The following ZNF248 variants were observed in gnomAD, a reference collection of about 807,000 sequenced individuals.
The protein encoded by ZNF248 is zinc finger protein 248.
ZNF248 carries 20 observed loss-of-function variants against 44.3 expected under a neutral mutation model. The observed-to-expected ratio is 0.45, with a 90% CI of 0.32 to 0.66. The LOEUF (loss-of-function observed/expected upper bound fraction) is 0.66, where lower values mean the gene tolerates loss of function less well. Among genes scored for constraint, ZNF248 ranks in the 30% least tolerant of loss-of-function variants. The pLI is 0.04. For missense variants in ZNF248, 654 were observed against 677.0 expected, an observed-to-expected ratio of 0.97 and a Z score of 0.38; for synonymous variants, 224 against 229.0, an observed-to-expected ratio of 0.98 and a Z score of 0.20.
At chr10:37,799,671 A>G (rs749436198) in intron 6 of ZNF248, among the ~76,000 whole-genome samples, 1 of 152,234 alleles carries the variant, frequency 6.6e-6, no homozygotes, top group Non-Finnish European at 1.5e-5. Flanking sequence ...AGGGTGAGAC[A>G]GGACAAGACG....
chr10:37,840,763 G>A (rs934836393), intron 3 of ZNF248, among the ~76,000 whole-genome samples: 3 of 152,064 alleles, frequency 2.0e-5, no homozygotes, highest in Non-Finnish European at 2.9e-5. Flanking sequence ...GCCTGGACAA[G>A]AGTGAGACTA....
At chr10:37,776,306 A>T (rs2046583917), downstream of ZNF248, 4 of 333,500 alleles carry the variant, frequency 1.2e-5, no homozygotes, top group Non-Finnish European at 2.2e-5. Context: ...CTTTTCTGAG[A>T]CGTGGTCCAA....
intron 6 of ZNF248, among the ~76,000 whole-genome samples, chr10:37,777,554 A>G (rs1381305128): frequency 6.8e-6 from 1 of 147,274 alleles, no homozygotes; most frequent in Non-Finnish European, 1.5e-5. Context: ...TTTTTTTTCA[A>G]TTAAAGTTTT....
chr10:37,812,927 C>A (rs987331048), intron 6 of ZNF248, among the ~76,000 whole-genome samples: 1 of 151,324 alleles, frequency 6.6e-6, no homozygotes, highest in African/African-American at 2.4e-5. Context: ...TAAATTCCTT[C>A]TGGAGAAAAC....
chr10:37,769,235 C>T, the ZNF248 span, among the ~76,000 whole-genome samples: 1 of 152,220 alleles, frequency 6.6e-6, no homozygotes, highest in Non-Finnish European at 1.5e-5. Flanking sequence ...CTATTCCAAT[C>T]AATAGAAAAA....
chr10:37,760,226 TTTTTG>T, the ZNF248 span, among the ~76,000 whole-genome samples: 2 of 151,974 alleles, frequency 1.3e-5, no homozygotes, highest in Non-Finnish European at 1.5e-5. Flanking sequence ...AATGCTGGGT[TTTTTG>T]TTTTGTTTTG....
At chr10:37,811,053 G>A (rs984494708) in intron 6 of ZNF248, among the ~76,000 whole-genome samples, 1 of 152,254 alleles carries the variant, frequency 6.6e-6, no homozygotes. Context: ...CATAAACACT[G>A]AATAACACTA....
downstream of ZNF248, among the ~76,000 whole-genome samples, chr10:37,827,279 C>G (rs1470067781): frequency 6.6e-6 from 1 of 152,138 alleles, no homozygotes; most frequent in Non-Finnish European, 1.5e-5. Context: ...TTTAGGGGAT[C>G]AGTAAAGGGA....
At chr10:37,819,417 C>T in intron 6 of ZNF248, 1 of 1,559,518 alleles carries the variant, frequency 6.4e-7, no homozygotes, top group East Asian at 2.2e-5. Flanking sequence ...TCCTTTTTCT[C>T]ATCTCTCCAG....
Position 37,807,360 on chromosome 10 carries a change from G to A in ZNF248, c.330+25665C>T, listed in dbSNP as rs367992208. Among the ~76,000 whole-genome samples the A allele has an allele frequency of 3.3e-5, 5 of 152,066 alleles. 1 individual carries two copies. In the East Asian group the frequency reaches 5.8e-4, roughly 18 times the overall value. On this transcript the variant is annotated intron_variant, in intron 6 of 6. Transcript: ENST00000615949. ...CAGGAGGAGTGAAAGCAAGGGGTGC[G>A]AGACCTCCAATGTTGTTCTTTATTA... is the stretch of plus-strand genomic sequence containing the variant.
At chr10:37,780,869 G>T (rs2047223251) in intron 6 of ZNF248, among the ~76,000 whole-genome samples, 1 of 152,174 alleles carries the variant, frequency 6.6e-6, no homozygotes, top group African/African-American at 2.4e-5. Context: ...TCCCGGAGTG[G>T]TGTATAGAGC....
the ZNF248 span, among the ~76,000 whole-genome samples, chr10:37,771,129 C>T: frequency 1.3e-5 from 2 of 152,142 alleles, no homozygotes; most frequent in Non-Finnish European, 2.9e-5. Context: ...ACAACAGGTG[C>T]TGGAGAAGAT....
chr10:37,772,509 G>C (rs147153657), downstream of ZNF248, among the ~76,000 whole-genome samples: 1 of 152,326 alleles, frequency 6.6e-6, no homozygotes, highest in Non-Finnish European at 1.5e-5. Context: ...TATAAGCACA[G>C]TGGAGGCTGA....
chr10:37,821,088 A>C, intron 6 of ZNF248: 1 of 626,542 alleles, frequency 1.6e-6, no homozygotes, highest in South Asian at 1.9e-5. Context: ...AGGTCTACAG[A>C]GGTCCTCATG....
chr10:37,800,405 A>G (rs775280997), intron 6 of ZNF248, among the ~76,000 whole-genome samples: 5 of 152,202 alleles, frequency 3.3e-5, no homozygotes, highest in Non-Finnish European at 7.3e-5. Context: ...CACTCAGGAT[A>G]ATGGCCTCCA....
intron 6 of ZNF248, among the ~76,000 whole-genome samples, chr10:37,788,220 G>A (rs369590031): frequency 3.6e-4 from 52 of 143,616 alleles, no homozygotes; most frequent in East Asian, 1.7e-3. Context: ...AGCCAAGATC[G>A]TGCCGCTGCA....
In ZNF248 at chr10:37,797,998, A is replaced by G. The variant is rs140961736; in HGVS notation, c.331-21423T>C. On this transcript the variant is annotated intron_variant, in intron 6 of 6. Transcript: ENST00000615949. Reference sequence around the variant, plus strand: ...ATTAAAACCATATTTTCATGCAAAAATGTATACACAAACGCACAGCAGCAT... The same window carrying G: ...ATTAAAACCATATTTTCATGCAAAAGTGTATACACAAACGCACAGCAGCAT... Among the ~76,000 whole-genome samples, 420 of 152,242 alleles carry G rather than the reference A, an allele frequency of 2.8e-3. 2 individuals are homozygous for G. Among genetic ancestry groups the G allele is most frequent in the African/African-American group, 9.2e-3 (384 of 41,550 alleles).
chr10:37,763,927 T>C, the ZNF248 span, among the ~76,000 whole-genome samples: 1 of 152,206 alleles, frequency 6.6e-6, no homozygotes, highest in South Asian at 2.1e-4. Context: ...CTTCATAAGC[T>C]GAGGATGTAT....
At chr10:37,792,015 C>G (rs2048611075) in intron 6 of ZNF248, 1 of 152,214 alleles carries the variant, frequency 6.6e-6, no homozygotes, top group South Asian at 2.1e-4. Flanking sequence ...AGAGCTAATT[C>G]TAGACCACAG....
Sources: gnomAD v4.1 joint callset for allele counts (sites outside exome capture counted in the v4.1 genomes callset) on GRCh38, gnomAD v4.1.1 for gene constraint, MANE v1.5 for transcripts, NCBI Gene and HGNC (gene_info 2026-07-23, HGNC 2026-07-21) for gene names.